The following DYSF variants were observed in gnomAD, a reference collection of about 807,000 sequenced individuals.
The protein encoded by DYSF is dysferlin, also known as dystrophy-associated fer-1-like 1.
A neutral mutation model predicts 274.9 loss-of-function variants in DYSF; 212 were observed. That is an observed-to-expected ratio of 0.77 (90% CI 0.69 to 0.86). The LOEUF is 0.86. DYSF is among the 40% of genes least tolerant of loss of function. The pLI, the probability that DYSF is intolerant of heterozygous loss-of-function variation, is 0.00. For missense variants in DYSF, 2,666 were observed against 2,783.2 expected (o/e 0.96, Z 0.95); for synonymous variants, 1,091 against 1,078.7 (o/e 1.01, Z -0.22).
At chr2:71,613,215 G>A in intron 39 of DYSF, 119 bp from the exon 40 acceptor site, 2 of 859,950 alleles carry the variant, frequency 2.3e-6, no homozygotes, top group Non-Finnish European at 3.9e-6. Flanking sequence ...GATACCGACT[G>A]AGAAATGTGG....
At chr2:71,649,499 TTTA>T (rs1295852819) in intron 42 of DYSF, among the ~76,000 whole-genome samples, 6 of 152,144 alleles carry the variant, frequency 3.9e-5, no homozygotes, top group Admixed American at 3.3e-4. Flanking sequence ...ATTGGATTAT[TTTA>T]TTATTGCTAC....
At chr2:71,553,702 T>G (rs2091124859) in intron 20 of DYSF, 105 bp from the exon 21 acceptor site, 1 of 1,226,674 alleles carries the variant, frequency 8.2e-7, no homozygotes, top group South Asian at 1.3e-5. Flanking sequence ...TTCCCAGCTC[T>G]GCCAGTCCTA....
chr2:71,682,497 A>T (rs749221384), intron 54 of DYSF, 33 bp from the exon 55 acceptor site: 1 of 1,613,976 alleles, frequency 6.2e-7, no homozygotes, highest in South Asian at 1.1e-5. Flanking sequence ...CTAGTAAAGG[A>T]TGCCCAGTTG....
chr2:71,616,447 G>A (rs369528549), intron 40 of DYSF, among the ~76,000 whole-genome samples: 2 of 151,714 alleles, frequency 1.3e-5, no homozygotes, highest in African/African-American at 4.9e-5. Flanking sequence ...GGCAGACTAG[G>A]GGTGGGGGTG....
In DYSF at chr2:71,466,785, C is replaced by T. The variant is rs774572622; in HGVS notation, c.-58C>T. 154 of 1,449,146 alleles carry T rather than the reference C, an allele frequency of 1.1e-4. No homozygotes were observed. The highest frequency in any genetic ancestry group is 1.3e-4 in the Non-Finnish European group (140 of 1,088,274). The allele number at this position is 1,449,146 out of a possible 1,614,324, so 89.8% of individuals were successfully genotyped here. ...GCGCTTGCTGGGTGGGTGCTCGGGC[C>T]CGGTGCTCCCGCTCCCGCCCTGACT... On this transcript the variant is annotated 5_prime_UTR_variant, in exon 1 of 56. Transcript: ENST00000410020.
intron 21 of DYSF, 99 bp from the exon 22 acceptor site, chr2:71,555,865 CT>C: frequency 3.2e-6 from 3 of 933,024 alleles, no homozygotes; most frequent in Non-Finnish European, 5.1e-6. Context: ...CTGTTCACTC[CT>C]TTTTGGTTCA....
chr2:71,613,364 A>T lies in DYSF; in HGVS notation c.4418A>T (p.Asp1473Val). The T allele has an allele frequency of 6.2e-7, 1 of 1,613,530 alleles. No individual in the cohort carries two copies. The highest frequency in any genetic ancestry group is 2.2e-5 in the East Asian group (1 of 44,854). The change falls in exon 40 of 56, where the codon GAC becomes GTC. Residue 1473 changes from aspartate (D) to valine (V), a missense_variant. This residue lies in a region of DYSF where 1,460 missense variants were observed against 1,502.1 expected (regional missense o/e 0.97). Transcript: ENST00000410020. ...DDVSLLSPGE[D>V]VLIDIDDKEP... is the part of the protein sequence containing the mutation. Reference sequence around the variant, plus strand: ...GTGAGCCTACTCAGTCCTGGGGAAGACGTGCTCATCGACATTGATGACAAG... The same window carrying T: ...GTGAGCCTACTCAGTCCTGGGGAAGTCGTGCTCATCGACATTGATGACAAG...
chr2:71,644,177 G>C lies in DYSF; in HGVS notation c.4626+114G>C, dbSNP rs920920609. The C allele has an allele frequency of 5.4e-6, 5 of 926,060 alleles. No individual in the cohort carries two copies. The East Asian group carries it at 1.3e-4, about 24-fold the overall frequency. The allele number at this position is 926,060 out of a possible 1,614,324, so 57.4% of individuals were successfully genotyped here. ...GTATTTGCATTTGTCTCCTCATTCG[G>C]TGTCTGAGGGTGATGAATGCTGCTA... On this transcript the variant is annotated intron_variant, in intron 42 of 55. Transcript: ENST00000410020.
chr2:71,622,130 GT>G (rs74263952), intron 41 of DYSF, among the ~76,000 whole-genome samples: 1,023 of 97,016 alleles, frequency 0.011, 21 homozygotes, highest in African/African-American at 0.036. Context: ...TGATTTCTTT[GT>G]TTTTTTTTTT....
At chr2:71,682,719 C>G (rs2095311155) in intron 55 of DYSF, 42 bp downstream of exon 55, 2 of 1,595,494 alleles carry the variant, frequency 1.3e-6, no homozygotes, top group Non-Finnish European at 1.7e-6. Context: ...AACTCTGGGT[C>G]TAATGGGGGA....
At chr2:71,513,446 G>C in intron 6 of DYSF, 114 bp downstream of exon 6, 1 of 1,155,994 alleles carries the variant, frequency 8.7e-7, no homozygotes, top group Non-Finnish European at 1.2e-6. Context: ...CCTCCTGCAG[G>C]ACTTGGCGGG....
At chr2:71,606,973 C>A (rs1306060537) in intron 36 of DYSF, among the ~76,000 whole-genome samples, 1 of 152,160 alleles carries the variant, frequency 6.6e-6, no homozygotes, top group Non-Finnish European at 1.5e-5. Flanking sequence ...CTTCAGTTAT[C>A]CATTCATAAT....
At chr2:71,678,020 G>C (rs551555995) in intron 52 of DYSF, among the ~76,000 whole-genome samples, 3 of 152,236 alleles carry the variant, frequency 2.0e-5, no homozygotes, top group Admixed American at 1.3e-4. Flanking sequence ...GCTTGGAACA[G>C]AAGTGTTTCA....
chr2:71,645,993 G>T (rs141102362), intron 42 of DYSF, among the ~76,000 whole-genome samples: 1 of 152,250 alleles, frequency 6.6e-6, no homozygotes, highest in South Asian at 2.1e-4. Context: ...TTCTTTTGGC[G>T]CAGAGTCTCT....
intron 9 of DYSF, among the ~76,000 whole-genome samples, chr2:71,516,557 G>A (rs1181944990): frequency 1.3e-5 from 2 of 152,222 alleles, no homozygotes; most frequent in Non-Finnish European, 2.9e-5. Context: ...TCAGGTCAGG[G>A]TCCTTAAATC....
In DYSF at chr2:71,589,632, G is replaced by T; in HGVS notation, c.3442G>T (p.Val1148Phe). The T allele has an allele frequency of 1.2e-6, 2 of 1,614,050 alleles. No homozygotes were observed. The highest frequency in any genetic ancestry group is 1.7e-6 in the Non-Finnish European group (2 of 1,179,990). Residue 1148 changes from valine (V) to phenylalanine (F), a missense_variant, in exon 31 of 56, where the codon GTC becomes TTC. Around this residue, in one of 3 missense-constraint regions of DYSF, gnomAD observed 1,460 missense variants for 1,502.1 expected, o/e 0.97. Transcript: ENST00000410020. The part of the protein sequence containing the change: ...MDDKSEDSMS[V>F]STLSFGVNRP... ...TGACAAGAGTGAAGATTCCATGTCC[G>T]TCTCCACCTTGAGCTTCGGTGTGAA...
At position 71,501,512 on chromosome 2, in the gene DYSF, G is replaced by A. The variant is rs941580757; in HGVS notation, c.240-1702G>A. ...ATGATGTCATGCAGTCATTCCCACC[G>A]TCCACCTCCAAAATGTTCTCATCTT... On this transcript the variant is annotated intron_variant, in intron 3 of 55. Coordinates refer to ENST00000410020, the MANE Select transcript of DYSF (RefSeq NM_001130987.2). 2.6e-5 allele frequency among the ~76,000 whole-genome samples: 4 copies of A among 152,074 alleles called. No individual in the cohort carries two copies. The South Asian group carries it at 6.2e-4, about 24-fold the overall frequency.
chr2:71,560,324 C>T (rs2091644015), intron 22 of DYSF, among the ~76,000 whole-genome samples: 1 of 152,112 alleles, frequency 6.6e-6, no homozygotes, highest in Admixed American at 6.5e-5. Context: ...GGGCTGGGCG[C>T]ATAAATCACC....
Position 71,636,862 on chromosome 2 carries a change from C to T in DYSF, c.4528-7103C>T, listed in dbSNP as rs114012242. ...AAAGAAGACTGAGCAGGTGTGGCCG[C>T]TGAGGTGGGAGGACAGCACTGTGGT... On this transcript the variant is annotated intron_variant, in intron 41 of 55. Transcript: ENST00000410020. 2.5e-3 allele frequency among the ~76,000 whole-genome samples: 385 copies of T among 152,206 alleles called. 2 individuals are homozygous for T. The highest frequency in any genetic ancestry group is 8.6e-3 in the African/African-American group (356 of 41,540).
Sources: allele counts gnomAD v4.1 joint callset (sites outside exome capture counted in the v4.1 genomes callset), GRCh38; gene constraint gnomAD v4.1.1; regional missense constraint gnomAD v4.1.1; transcripts MANE v1.5; gene names NCBI Gene and HGNC (gene_info 2026-07-23, HGNC 2026-07-21).